Variants in HIBADH observed in about 807,000 individuals in gnomAD.
The protein encoded by HIBADH is 3-hydroxyisobutyrate dehydrogenase, mitochondrial.
HIBADH carries 25 observed loss-of-function variants against 36.1 expected under a neutral mutation model. That is an observed-to-expected ratio of 0.69 (90% confidence interval 0.50 to 0.97). The LOEUF (loss-of-function observed/expected upper bound fraction) is 0.97. Among genes scored for constraint, HIBADH ranks in the 50% least tolerant of loss-of-function variants. HIBADH has a pLI of 0.00. For synonymous variants in HIBADH, 160 were observed against 149.5 expected (o/e 1.07, Z -0.51); for missense variants, 421 against 418.0 (o/e 1.01, Z -0.06).
At chr7:27,658,601 C>G (rs1165286809) in intron 1 of HIBADH, among the ~76,000 whole-genome samples, 1 of 151,984 alleles carries the variant, frequency 6.6e-6, no homozygotes, top group African/African-American at 2.4e-5. Context: ...CTTTTCTATT[C>G]AAAGTAATGC....
intron 2 of HIBADH, among the ~76,000 whole-genome samples, chr7:27,647,441 T>C (rs1175062011): frequency 6.6e-6 from 1 of 152,234 alleles, no homozygotes; most frequent in Non-Finnish European, 1.5e-5. Context: ...TAAGAACCAC[T>C]ATATAACATT....
At chr7:27,594,762 C>G (rs1785003199) in intron 4 of HIBADH, among the ~76,000 whole-genome samples, 1 of 152,002 alleles carries the variant, frequency 6.6e-6, no homozygotes, top group Admixed American at 6.5e-5. Flanking sequence ...AGGAAACACT[C>G]AACAATGAGA....
intron 4 of HIBADH, among the ~76,000 whole-genome samples, chr7:27,554,265 C>T (rs753468254): frequency 7.9e-5 from 12 of 152,166 alleles, no homozygotes; most frequent in Non-Finnish European, 1.5e-4. Flanking sequence ...AGATTACAGG[C>T]GCGAGCCACC....
intron 4 of HIBADH, among the ~76,000 whole-genome samples, chr7:27,613,124 TTA>T (rs1554298941): frequency 8.2e-5 from 9 of 109,468 alleles, no homozygotes; most frequent in African/African-American, 2.5e-4. Context: ...ATAAATATAT[TTA>T]TATATATTTA....
At chr7:27,630,963 A>T (rs1305356853) in intron 3 of HIBADH, among the ~76,000 whole-genome samples, 2 of 152,158 alleles carry the variant, frequency 1.3e-5, no homozygotes, top group Non-Finnish European at 2.9e-5. Context: ...ATGGAAAATC[A>T]TCCCAAAAAT....
At chr7:27,569,444 A>C (rs562311003) in intron 4 of HIBADH, among the ~76,000 whole-genome samples, 34 of 152,236 alleles carry the variant, frequency 2.2e-4, no homozygotes, top group African/African-American at 7.9e-4. Context: ...TTCTATGAAG[A>C]ACAGGATGTA....
At chr7:27,614,141 T>C (rs145175823) in intron 4 of HIBADH, among the ~76,000 whole-genome samples, 3 of 152,294 alleles carry the variant, frequency 2.0e-5, no homozygotes, top group Non-Finnish European at 2.9e-5. Flanking sequence ...CTGTAACTAT[T>C]TGCAAGTATT....
chr7:27,579,435 T>C (rs898138503), intron 4 of HIBADH, among the ~76,000 whole-genome samples: 4 of 152,320 alleles, frequency 2.6e-5, no homozygotes, highest in African/African-American at 9.6e-5. Flanking sequence ...AAATGTTTCA[T>C]GAATTCTATT....
At chr7:27,528,480 C>T (rs529687815) in intron 7 of HIBADH, among the ~76,000 whole-genome samples, 35 of 152,124 alleles carry the variant, frequency 2.3e-4, no homozygotes, top group African/African-American at 5.3e-4. Context: ...ATAAGTGAAA[C>T]GGCCTTACTG....
chr7:27,606,410 T>A (rs1014853901), intron 4 of HIBADH, among the ~76,000 whole-genome samples: 13 of 152,308 alleles, frequency 8.5e-5, no homozygotes, highest in South Asian at 2.1e-4. Flanking sequence ...TCATTAGTAA[T>A]CTTTAAAGCC....
rs1452027608 is a variant in HIBADH at position 27,614,656 on chromosome 7, C to T, written c.484+14715G>A. ...CTATCATTGTTGCTATATAAAAATC[C>T]TCTCATCCCTTTGCTTTCAACTATA... On this transcript the variant is annotated intron_variant, in intron 4 of 7. Coordinates refer to ENST00000265395, the MANE Select transcript of HIBADH (RefSeq NM_152740.4). Among the ~76,000 whole-genome samples the T allele has an allele frequency of 2.4e-4, 36 of 152,168 alleles. 1 individual carries two copies.
At chr7:27,641,933 ATG>A (rs199698278) in intron 2 of HIBADH, among the ~76,000 whole-genome samples, 4,450 of 100,568 alleles carry the variant, frequency 0.044, 200 homozygotes, top group African/African-American at 0.17. Context: ...AGAATGAGAG[ATG>A]TGAGGAAGAG....
rs70994666 is a variant in HIBADH at position 27,605,586 on chromosome 7, C to CAAAAAAAAAAAAAAAAAA, written c.484+23767_484+23784dup. Reference sequence around the variant, plus strand: ...TTCCCCTCTCCAGTGTTTAGACAAGCAAAAAAAAAAAAAAAAAAAAAAAAA... The same window carrying CAAAAAAAAAAAAAAAAAA: ...TTCCCCTCTCCAGTGTTTAGACAAGCAAAAAAAAAAAAAAAAAAAAAAAAAAAAAAAAAAAAAAAAAAA... On this transcript the variant is annotated intron_variant, in intron 4 of 7. Coordinates refer to ENST00000265395, the MANE Select transcript of HIBADH (RefSeq NM_152740.4). Among the ~76,000 whole-genome samples, 4 of 33,600 alleles carry CAAAAAAAAAAAAAAAAAA rather than the reference C, an allele frequency of 1.2e-4. 2 individuals carry two copies. The highest frequency in any genetic ancestry group is 2.0e-4 in the Non-Finnish European group (4 of 20,152). The allele number at this position is 33,600 out of a possible 152,430, so 22.0% of individuals were successfully genotyped here.
At chr7:27,552,401 A>T (rs1028195878) in intron 4 of HIBADH, among the ~76,000 whole-genome samples, 1 of 152,350 alleles carries the variant, frequency 6.6e-6, no homozygotes, top group Admixed American at 6.5e-5. Context: ...AGATAAACAA[A>T]GTTTAGTTAG....
intron 2 of HIBADH, among the ~76,000 whole-genome samples, chr7:27,638,314 A>AAAAAAAAAAAC (rs1785886877): frequency 6.9e-6 from 1 of 144,708 alleles, no homozygotes; most frequent in Non-Finnish European, 1.5e-5. Context: ...AAGTCAAAAA[A>AAAAAAAAAAAC]AAAAAAAAAA....
At chr7:27,600,833 C>CCTCTTCTTTA (rs1270372148) in intron 4 of HIBADH, among the ~76,000 whole-genome samples, 1 of 152,024 alleles carries the variant, frequency 6.6e-6, no homozygotes, top group African/African-American at 2.4e-5. Flanking sequence ...AGAAGAAGAG[C>CCTCTTCTTTA]CTCTTCTTTA....
At chr7:27,607,477 C>T (rs1016624643) in intron 4 of HIBADH, among the ~76,000 whole-genome samples, 3 of 152,102 alleles carry the variant, frequency 2.0e-5, no homozygotes, top group East Asian at 3.8e-4. Context: ...CCACTGAACT[C>T]CAGCCTGGGC....
chr7:27,592,967 G>T (rs914158827), intron 4 of HIBADH, among the ~76,000 whole-genome samples: 2 of 152,086 alleles, frequency 1.3e-5, no homozygotes, highest in Admixed American at 1.3e-4. Flanking sequence ...CTCTTCCTCT[G>T]TGCCTAGTTA....
intron 4 of HIBADH, among the ~76,000 whole-genome samples, chr7:27,611,032 C>T (rs1785312402): frequency 1.3e-5 from 2 of 152,280 alleles, no homozygotes; most frequent in South Asian, 4.1e-4. Flanking sequence ...AGGTTTTGTG[C>T]TTATTCTAAG....
Sources: gnomAD v4.1 joint callset for allele counts (sites outside exome capture counted in the v4.1 genomes callset) on GRCh38, gnomAD v4.1.1 for gene constraint, MANE v1.5 for transcripts, NCBI Gene and HGNC (gene_info 2026-07-23, HGNC 2026-07-21) for gene names.